The following GFRA1 variants were observed in gnomAD, a reference collection of about 807,000 sequenced individuals.
The protein encoded by GFRA1 is GDNF family receptor alpha 1.
A neutral mutation model predicts 51.6 loss-of-function variants in GFRA1; 16 were observed. The observed-to-expected ratio is 0.31, with a 90% CI of 0.21 to 0.47. GFRA1 has a LOEUF of 0.47. Ranked by LOEUF, GFRA1 falls within the 20% of genes least tolerant of loss-of-function variation. The pLI is 1.00. For synonymous variants in GFRA1, 270 were observed against 241.3 expected, an observed-to-expected ratio of 1.12 and a Z score of -1.10; for missense variants, 530 against 594.3, an observed-to-expected ratio of 0.89 and a Z score of 1.13.
At chr10:116,202,389 T>C (rs766573442) in intron 5 of GFRA1, among the ~76,000 whole-genome samples, 9 of 152,094 alleles carry the variant, frequency 5.9e-5, no homozygotes, top group Non-Finnish European at 1.3e-4. Flanking sequence ...CAAAGGAAAA[T>C]GTCACAGTGG....
At chr10:116,263,585 G>A (rs924805625) in intron 4 of GFRA1, among the ~76,000 whole-genome samples, 37 of 152,128 alleles carry the variant, frequency 2.4e-4, no homozygotes, top group African/African-American at 8.9e-4. Context: ...CTAGTAGAAC[G>A]GCAGCTGCTC....
intron 8 of GFRA1, among the ~76,000 whole-genome samples, chr10:116,090,953 G>A (rs1408755727): frequency 6.6e-6 from 1 of 152,034 alleles, no homozygotes; most frequent in African/African-American, 2.4e-5. Context: ...CATTTTTGGG[G>A]GCTGTAAGAA....
At chr10:116,271,179 G>A in intron 2 of GFRA1, 64 bp from the exon 3 acceptor site, 2 of 1,446,820 alleles carry the variant, frequency 1.4e-6, no homozygotes, top group Non-Finnish European at 1.9e-6. Flanking sequence ...CCCTGCTCCG[G>A]GCGAGGGCGC....
At chr10:116,223,651 A>ACCACCAGCAAAAATG (rs1246941490) in intron 4 of GFRA1, among the ~76,000 whole-genome samples, 1 of 152,164 alleles carries the variant, frequency 6.6e-6, no homozygotes, top group Non-Finnish European at 1.5e-5. Flanking sequence ...CACAGGGAGG[A>ACCACCAGCAAAAATG]CCACCAGCAA....
chr10:116,254,583 C>T (rs973707257), intron 4 of GFRA1, among the ~76,000 whole-genome samples: 3 of 152,074 alleles, frequency 2.0e-5, no homozygotes. Flanking sequence ...AGACATTTCA[C>T]AATTAATGTC....
intron 5 of GFRA1, among the ~76,000 whole-genome samples, chr10:116,162,349 G>C (rs568280430): frequency 6.6e-6 from 1 of 152,210 alleles, no homozygotes; most frequent in Non-Finnish European, 1.5e-5. Flanking sequence ...GAGTCCAGGG[G>C]ATGTATCTCG....
chr10:116,159,661 C>A (rs1565617629), intron 5 of GFRA1, among the ~76,000 whole-genome samples: 1 of 152,196 alleles, frequency 6.6e-6, no homozygotes. Flanking sequence ...GCACTACACC[C>A]TGCACTGCTT....
rs548630330 is a variant in GFRA1 at position 116,068,798 on chromosome 10, T to C, written c.1198-3172A>G. 4.1e-4 allele frequency among the ~76,000 whole-genome samples: 63 copies of C among 152,292 alleles called. No individual in the cohort carries two copies. In the South Asian group the frequency reaches 0.012, roughly 30 times the overall value. On this transcript the variant is annotated intron_variant, in intron 9 of 10. Transcript: ENST00000355422. ...TCACTGTCTTGCTAGTCAGGTATGA[T>C]AAATGCAAACAGATAAAATTGCAGG...
intron 5 of GFRA1, among the ~76,000 whole-genome samples, chr10:116,137,008 G>A (rs1038079338): frequency 7.2e-5 from 11 of 152,124 alleles, no homozygotes; most frequent in African/African-American, 1.4e-4. Context: ...TAAGTGTTTC[G>A]CTTCTCAAGG....
chr10:116,179,969 C>T (rs1962049973), intron 5 of GFRA1, among the ~76,000 whole-genome samples: 1 of 152,148 alleles, frequency 6.6e-6, no homozygotes, highest in Non-Finnish European at 1.5e-5. Context: ...TGTCACCCAC[C>T]AAGCAAGACC....
chr10:116,128,013 T>C (rs1448557307), intron 5 of GFRA1, among the ~76,000 whole-genome samples: 1 of 152,206 alleles, frequency 6.6e-6, no homozygotes, highest in African/African-American at 2.4e-5. Context: ...GCTAGATTAA[T>C]ACTTCAAGGA....
At chr10:116,169,145 A>G (rs926241696) in intron 5 of GFRA1, among the ~76,000 whole-genome samples, 9 of 152,186 alleles carry the variant, frequency 5.9e-5, no homozygotes, top group African/African-American at 2.2e-4. Context: ...ACTTGTCAAG[A>G]GGGACCACTG....
chr10:116,216,827 C>T (rs1479215722), intron 4 of GFRA1, among the ~76,000 whole-genome samples: 1 of 152,084 alleles, frequency 6.6e-6, no homozygotes, highest in African/African-American at 2.4e-5. Context: ...CCTAACTAAC[C>T]AGGGACAAGG....
At chr10:116,233,828 C>G (rs1966831499) in intron 4 of GFRA1, among the ~76,000 whole-genome samples, 1 of 152,178 alleles carries the variant, frequency 6.6e-6, no homozygotes, top group Non-Finnish European at 1.5e-5. Flanking sequence ...CAAATTATGT[C>G]TAAAGGCCCA....
chr10:116,161,350 A>G (rs1418834280), intron 5 of GFRA1, among the ~76,000 whole-genome samples: 2 of 152,100 alleles, frequency 1.3e-5, no homozygotes, highest in African/African-American at 4.8e-5. Context: ...CCAAATATGG[A>G]GATTCTCATT....
intron 5 of GFRA1, among the ~76,000 whole-genome samples, chr10:116,144,205 GATAGAGAT>G (rs1458676208): frequency 6.6e-6 from 1 of 152,112 alleles, no homozygotes; most frequent in Admixed American, 6.5e-5. Context: ...TCATTAATGA[GATAGAGAT>G]ATATTTTCTG....
At chr10:116,178,298 C>CTGA (rs1491125429) in intron 5 of GFRA1, among the ~76,000 whole-genome samples, 1 of 34,786 alleles carries the variant, frequency 2.9e-5, no homozygotes, top group African/African-American at 7.3e-5. Flanking sequence ...CCACAAGGGG[C>CTGA]CGGGGGGGCG....
chr10:116,153,508 T>C lies in GFRA1; in HGVS notation c.434-27951A>G, dbSNP rs981602635. ...AGAGTTCCTGACAGGTTGAGTGCTG[T>C]CTGCTGGTTTAGAAATTAAACCACC... is the stretch of plus-strand genomic sequence containing the variant. On this transcript the variant is annotated intron_variant, in intron 5 of 10. Transcript: ENST00000355422. Among the ~76,000 whole-genome samples the C allele has an allele frequency of 5.3e-5, 8 of 152,340 alleles. No homozygotes were observed. In the South Asian group the frequency reaches 1.0e-3, roughly 20 times the overall value.
intron 9 of GFRA1, among the ~76,000 whole-genome samples, chr10:116,069,371 A>G (rs1253090191): frequency 6.6e-6 from 1 of 152,204 alleles, no homozygotes; most frequent in Non-Finnish European, 1.5e-5. Flanking sequence ...CACCACTGAA[A>G]TATAGTACCT....
Sources: allele counts gnomAD v4.1 joint callset (sites outside exome capture counted in the v4.1 genomes callset), GRCh38; gene constraint gnomAD v4.1.1; transcripts MANE v1.5; gene names NCBI Gene and HGNC (gene_info 2026-07-23, HGNC 2026-07-21).